The following B4GALNT3 variants were observed in gnomAD, a reference collection of about 807,000 sequenced individuals.
B4GALNT3 encodes beta-1,4-N-acetyl-galactosaminyltransferase 3.
B4GALNT3 carries 86 observed loss-of-function variants against 120.2 expected under a neutral mutation model. The observed-to-expected ratio is 0.72, with a 90% CI of 0.60 to 0.86. B4GALNT3 has a LOEUF of 0.86. Ranked by LOEUF, B4GALNT3 falls within the 40% of genes least tolerant of loss-of-function variation. The pLI is 0.00. For missense variants in B4GALNT3, 1,167 were observed against 1,298.9 expected, an observed-to-expected ratio of 0.90 and a Z score of 1.56; for synonymous variants, 518 against 510.4, an observed-to-expected ratio of 1.01 and a Z score of -0.20.
At chr12:554,600 C>G (rs547974636) in intron 14 of B4GALNT3, among the ~76,000 whole-genome samples, 27 of 150,944 alleles carry the variant, frequency 1.8e-4, no homozygotes, top group African/African-American at 6.1e-4. Flanking sequence ...ACCATCCTGG[C>G]TAACACGGTG....
In B4GALNT3 at chr12:460,432, T is replaced by C; in HGVS notation, c.56T>C (p.Leu19Pro). The C allele has an allele frequency of 6.4e-7, 1 of 1,562,572 alleles. No individual in the cohort carries two copies. The highest frequency in any genetic ancestry group is 8.6e-7 in the Non-Finnish European group (1 of 1,157,352). The change falls in exon 1 of 20, where the codon CTG becomes CCG. Residue 19 changes from leucine to proline, a missense_variant. Coordinates refer to ENST00000266383, the MANE Select transcript of B4GALNT3 (RefSeq NM_173593.4). This position sits in a 1 kb window ranked among gnomAD's most constrained non-coding sequence, Gnocchi z 8.0. ...PPLLLRPVKL[L>P]RRRFRLLLAL... ...CTGCTCCTGCGCCCGGTGAAGCTGC[T>C]GCGGAGGCGCTTCCGGCTGCTGCTG... is the stretch of plus-strand genomic sequence containing the variant.
chr12:480,608 G>T (rs1350465741), intron 1 of B4GALNT3, among the ~76,000 whole-genome samples: 1 of 152,136 alleles, frequency 6.6e-6, no homozygotes, highest in African/African-American at 2.4e-5. Flanking sequence ...AGATGCCTGG[G>T]TTCCTATTGG....
intron 1 of B4GALNT3, among the ~76,000 whole-genome samples, chr12:496,706 A>G (rs1314218458): frequency 6.6e-6 from 1 of 152,168 alleles, no homozygotes; most frequent in African/African-American, 2.4e-5. Flanking sequence ...TCACCCCTAA[A>G]GGAGACTCTG....
intron 3 of B4GALNT3, among the ~76,000 whole-genome samples, chr12:541,622 G>A (rs978872430): frequency 6.6e-6 from 1 of 152,176 alleles, no homozygotes; most frequent in African/African-American, 2.4e-5. Context: ...TACAGCCTGA[G>A]AGTGGGGTGA....
intron 1 of B4GALNT3, among the ~76,000 whole-genome samples, chr12:515,032 G>A (rs1946638896): frequency 6.6e-6 from 1 of 152,066 alleles, no homozygotes; most frequent in African/African-American, 2.4e-5. Flanking sequence ...AGAAAAGAAA[G>A]AAAGAACACA....
At chr12:534,798 G>A (rs1946841825) in intron 1 of B4GALNT3, among the ~76,000 whole-genome samples, 1 of 152,234 alleles carries the variant, frequency 6.6e-6, no homozygotes, top group African/African-American at 2.4e-5. Flanking sequence ...AGGAAGGGAA[G>A]AGTGTACCGC....
intron 1 of B4GALNT3, among the ~76,000 whole-genome samples, chr12:534,149 G>A (rs574096281): frequency 2.3e-4 from 35 of 152,318 alleles, no homozygotes; most frequent in Admixed American, 2.2e-3. Flanking sequence ...GCACACTGGG[G>A]TCCTAGTCTT....
chr12:511,320 T>TGCCTTCC (rs1946551113), intron 1 of B4GALNT3, among the ~76,000 whole-genome samples: 1 of 42,256 alleles, frequency 2.4e-5, no homozygotes, highest in Non-Finnish European at 4.7e-5. Context: ...TTCCGCCTTC[T>TGCCTTCC]GCCTTCCACC....
rs368386240 is a variant in B4GALNT3, at chr12:553,413, C to T, written c.1490C>T (p.Ala497Val). 1.9e-5 allele frequency: 31 copies of T among 1,613,952 alleles called. No individual in the cohort carries two copies. The highest frequency in any genetic ancestry group is 1.5e-4 in the South Asian group (14 of 91,088). ...CCCTTCTCCAAGCGGAACTCCACAG[C>T]GTCCTTCCCAGGGAGGACCAGCCAC... ...LAPFSKRNST[A>V]SFPGRTSHIP... The change falls in exon 14 of 20, where the codon GCG becomes GTG. Residue 497 changes from alanine (A) to valine (V), a missense_variant. Transcript: ENST00000266383.
In B4GALNT3 at chr12:553,882, C is replaced by G. The variant is rs748074776; in HGVS notation, c.1959C>G (p.Ile653Met). The G allele has an allele frequency of 6.2e-6, 10 of 1,614,140 alleles. No homozygotes were observed. Among genetic ancestry groups the G allele is most frequent in the Non-Finnish European group, 8.5e-6 (10 of 1,179,992 alleles). The change falls in exon 14 of 20, where the codon ATC becomes ATG. Residue 653 changes from isoleucine to methionine, a missense_variant. Around this residue, in one of 3 missense-constraint regions of B4GALNT3, gnomAD observed 983 missense variants for 1,102.5 expected, o/e 0.89. Transcript: ENST00000266383. ...LDFQALRTDW[I>M]DLSCNTSGNL... is the part of the protein sequence containing the mutation. ...TCCAAGCCCTGAGGACTGACTGGAT[C>G]GATCTGAGCTGTAACACATCTGGCA...
At chr12:504,549 T>C (rs542486509) in intron 1 of B4GALNT3, among the ~76,000 whole-genome samples, 1 of 146,726 alleles carries the variant, frequency 6.8e-6, no homozygotes, top group South Asian at 2.3e-4. Context: ...AACCTCCGCC[T>C]CCCGGGCCCA....
intron 1 of B4GALNT3, among the ~76,000 whole-genome samples, chr12:474,152 A>G (rs1482038129): frequency 6.6e-6 from 1 of 152,198 alleles, no homozygotes; most frequent in East Asian, 1.9e-4. Context: ...CACTGGCAGG[A>G]ATAGAGTCAG....
At chr12:501,279 A>G (rs1219140237) in intron 1 of B4GALNT3, among the ~76,000 whole-genome samples, 1 of 152,206 alleles carries the variant, frequency 6.6e-6, no homozygotes, top group East Asian at 1.9e-4. Context: ...AAAAAGGAAT[A>G]CTACTACTAA....
intron 9 of B4GALNT3, 60 bp from the exon 10 acceptor site, chr12:549,709 C>T: frequency 6.2e-7 from 1 of 1,602,632 alleles, no homozygotes; most frequent in Non-Finnish European, 8.5e-7. Context: ...CCTTCAAGGG[C>T]AGTGGGCTGC....
At chr12:461,554 C>T (rs1472002104) in intron 1 of B4GALNT3, among the ~76,000 whole-genome samples, 3 of 152,166 alleles carry the variant, frequency 2.0e-5, no homozygotes, top group Non-Finnish European at 2.9e-5. Context: ...CCCGGGGAGC[C>T]GAGGTTCAAA....
intron 1 of B4GALNT3, among the ~76,000 whole-genome samples, chr12:499,662 T>C (rs1328814504): frequency 3.5e-5 from 4 of 113,366 alleles, no homozygotes; most frequent in Non-Finnish European, 1.8e-5. Context: ...GTGCTCTCAC[T>C]ATCTACTAGC....
chr12:481,101 A>C (rs1946238320), intron 1 of B4GALNT3, among the ~76,000 whole-genome samples: 1 of 152,114 alleles, frequency 6.6e-6, no homozygotes, highest in African/African-American at 2.4e-5. Context: ...GCGAGGTGGG[A>C]GTTAGTGAGT....
At position 548,066 on chromosome 12, in the gene B4GALNT3, G is replaced by A. The variant is rs1372744422; in HGVS notation, c.750G>A (p.Lys250=). Residue 250 remains lysine, a synonymous_variant, in exon 8 of 20, where the codon AAG becomes AAA. Coordinates refer to ENST00000266383, the MANE Select transcript of B4GALNT3 (RefSeq NM_173593.4). The surrounding 1 kb of genome is among the most constrained non-coding windows in gnomAD (Gnocchi z 4.9). ...SHRYYFEVLH[K]QNEEGTDHVE... is the part of the protein sequence containing the mutation. ...GGTACTACTTCGAGGTGCTGCACAA[G>A]CAGAATGAGGAGGGCACCGACCACG... 3 of 1,613,926 alleles carry A rather than the reference G, an allele frequency of 1.9e-6. No homozygotes were observed. The highest frequency in any genetic ancestry group is 1.1e-5 in the South Asian group (1 of 91,074).
At chr12:481,647 G>A (rs968437566) in intron 1 of B4GALNT3, among the ~76,000 whole-genome samples, 1 of 152,214 alleles carries the variant, frequency 6.6e-6, no homozygotes, top group South Asian at 2.1e-4. Context: ...TGGGTGGAGA[G>A]CGGAGCTAAT....
Sources: gnomAD v4.1 joint callset for allele counts (sites outside exome capture counted in the v4.1 genomes callset) on GRCh38, gnomAD v4.1.1 for gene constraint, gnomAD v4.1.1 regional missense constraint, Gnocchi (gnomAD v3.1) non-coding constraint, MANE v1.5 for transcripts, NCBI Gene and HGNC (gene_info 2026-07-23, HGNC 2026-07-21) for gene names.